CEP83: variants seen among roughly 807,000 people sequenced by gnomAD.
CEP83 encodes the protein centrosomal protein of 83 kDa.
A neutral mutation model predicts 101.9 loss-of-function variants in CEP83; 70 were observed. The ratio of observed to expected loss-of-function variants is 0.69; its 90% confidence interval spans 0.57 to 0.84. The LOEUF is 0.84. Among genes scored for constraint, CEP83 ranks in the 40% least tolerant of loss-of-function variants. The pLI, the probability that CEP83 is intolerant of heterozygous loss-of-function variation, is 0.00. For synonymous variants in CEP83, 264 were observed against 267.9 expected (o/e 0.99, Z 0.14); for missense variants, 715 against 787.2 (o/e 0.91, Z 1.10).
chr12:94,363,595 T>G (rs1035905383), intron 11 of CEP83, among the ~76,000 whole-genome samples: 1 of 152,084 alleles, frequency 6.6e-6, no homozygotes, highest in East Asian at 1.9e-4. Context: ...CAGGTGTCCA[T>G]AAACAAATCG....
intron 11 of CEP83, among the ~76,000 whole-genome samples, chr12:94,362,690 T>C (rs752910068): frequency 3.9e-5 from 6 of 152,184 alleles, no homozygotes; most frequent in Non-Finnish European, 8.8e-5. Flanking sequence ...CAACTGGGTA[T>C]ATACCCAAAG....
chr12:94,268,891 G>A, the CEP83 span, among the ~76,000 whole-genome samples: 2 of 152,016 alleles, frequency 1.3e-5, no homozygotes, highest in South Asian at 2.1e-4. Context: ...AACTGCATCC[G>A]GCCGATAATA....
the CEP83 span, chr12:94,301,064 C>G: frequency 2.0e-5 from 32 of 1,612,820 alleles, no homozygotes; most frequent in African/African-American, 3.9e-4. Flanking sequence ...GAAGGTAAGG[C>G]CCAGCTTGAG....
At chr12:94,298,306 A>C in the CEP83 span, among the ~76,000 whole-genome samples, 1 of 152,238 alleles carries the variant, frequency 6.6e-6, no homozygotes, top group Non-Finnish European at 1.5e-5. Flanking sequence ...TAAAAGCCAA[A>C]TATCCATGGC....
intron 8 of CEP83, among the ~76,000 whole-genome samples, chr12:94,373,739 A>G (rs976097188): frequency 1.3e-5 from 2 of 152,218 alleles, no homozygotes; most frequent in African/African-American, 2.4e-5. Flanking sequence ...ACACTGACAT[A>G]ACTTTGTTCT....
chr12:94,427,917 C>A (rs927333101), intron 2 of CEP83, among the ~76,000 whole-genome samples: 1 of 152,158 alleles, frequency 6.6e-6, no homozygotes, highest in Non-Finnish European at 1.5e-5. Context: ...CAACTTGACG[C>A]CCTGCCAGAA....
At chr12:94,435,105 TG>T (rs1385899328) in intron 2 of CEP83, among the ~76,000 whole-genome samples, 169 bp downstream of exon 2, 1 of 152,230 alleles carries the variant, frequency 6.6e-6, no homozygotes, top group African/African-American at 2.4e-5. Flanking sequence ...TTTATCTGAA[TG>T]ACACTGAAAT....
downstream of CEP83, among the ~76,000 whole-genome samples, chr12:94,302,533 A>G (rs1454920612): frequency 6.6e-6 from 1 of 152,234 alleles, no homozygotes; most frequent in Admixed American, 6.5e-5. Context: ...CAGCACACTG[A>G]AAGGCACTTA....
intron 11 of CEP83, among the ~76,000 whole-genome samples, chr12:94,348,072 T>C (rs2060021049): frequency 6.6e-6 from 1 of 151,986 alleles, no homozygotes; most frequent in Admixed American, 6.5e-5. Context: ...TGTTTTAAAA[T>C]AGTTAAAATG....
At chr12:94,295,059 T>C in the CEP83 span, among the ~76,000 whole-genome samples, 1 of 152,246 alleles carries the variant, frequency 6.6e-6, no homozygotes, top group Non-Finnish European at 1.5e-5. Flanking sequence ...AAAGTGATCT[T>C]CTGCTTCCCT....
At chr12:94,297,266 T>C in the CEP83 span, 1 of 1,613,370 alleles carries the variant, frequency 6.2e-7, no homozygotes, top group Non-Finnish European at 8.5e-7. Context: ...GCATGCCTTC[T>C]GTAGCAAGAG....
At chr12:94,377,358 C>T (rs1310777430) in intron 7 of CEP83, among the ~76,000 whole-genome samples, 1 of 152,106 alleles carries the variant, frequency 6.6e-6, no homozygotes, top group African/African-American at 2.4e-5. Context: ...GAGTATCACA[C>T]CACATATCAG....
At chr12:94,305,598 A>ATGAT (rs938871576), downstream of CEP83, 3 of 254,286 alleles carry the variant, frequency 1.2e-5, no homozygotes, top group Non-Finnish European at 2.3e-5. Context: ...CTTAAGCACA[A>ATGAT]TGATATAAGT....
intron 15 of CEP83, among the ~76,000 whole-genome samples, chr12:94,311,589 C>T (rs938899585): frequency 1.3e-5 from 2 of 152,158 alleles, no homozygotes; most frequent in Non-Finnish European, 2.9e-5. Flanking sequence ...AAACTGATTA[C>T]TCCATGTATA....
rs376769010 is a variant in CEP83 at position 94,378,897 on chromosome 12, G to A, written c.695C>T (p.Ala232Val). ...ATTCTCCTTTTCAGCCTTTAATTCC[G>A]CTACTTCAGCCTCTAAACCTTTTAA... ...QKLKGLEAEV[A>V]ELKAEKENSE... is the part of the protein sequence containing the mutation. The change falls in exon 7 of 17, where the codon GCG (alanine) becomes GTG (valine). Residue 232 changes from alanine to valine, a missense_variant. By Grantham distance (64) the Ala-to-Val change is moderately conservative. Coordinates refer to ENST00000397809, the MANE Select transcript of CEP83 (RefSeq NM_016122.3). 38 of 1,613,936 alleles carry A rather than the reference G, an allele frequency of 2.4e-5. No homozygotes were observed. Among genetic ancestry groups the A allele is most frequent in the Middle Eastern group, 1.6e-4 (1 of 6,062 alleles).
chr12:94,304,465 C>T (rs571840424), downstream of CEP83: 3 of 157,740 alleles, frequency 1.9e-5, no homozygotes, highest in Admixed American at 6.4e-5. Context: ...ACTTAAGCGA[C>T]TATTTCAATA....
intron 11 of CEP83, among the ~76,000 whole-genome samples, chr12:94,364,555 A>G (rs1456984844): frequency 6.6e-6 from 1 of 152,060 alleles, no homozygotes; most frequent in Non-Finnish European, 1.5e-5. Flanking sequence ...GCTTGAGCTC[A>G]GGAGTTCAGT....
At chr12:94,291,196 A>T in the CEP83 span, among the ~76,000 whole-genome samples, 1 of 152,216 alleles carries the variant, frequency 6.6e-6, no homozygotes. Flanking sequence ...GCCTTTGTCA[A>T]ATGTATACAT....
intron 2 of CEP83, among the ~76,000 whole-genome samples, chr12:94,429,191 T>C (rs2065430585): frequency 6.6e-6 from 1 of 151,878 alleles, no homozygotes; most frequent in Non-Finnish European, 1.5e-5. Context: ...GAGAGAGAAG[T>C]GAGGCAGCCT....
Sources: gnomAD v4.1 joint callset for allele counts (sites outside exome capture counted in the v4.1 genomes callset) on GRCh38, gnomAD v4.1.1 for gene constraint, MANE v1.5 for transcripts, NCBI Gene and HGNC (gene_info 2026-07-23, HGNC 2026-07-21) for gene names.